IL5RA: variants seen among roughly 807,000 people sequenced by gnomAD.
The protein encoded by IL5RA is interleukin-5 receptor subunit alpha.
IL5RA carries 49 observed loss-of-function variants against 50.0 expected under a neutral mutation model. The observed-to-expected ratio is 0.98, with a 90% CI of 0.78 to 1.24. The LOEUF (loss-of-function observed/expected upper bound fraction) is 1.24. IL5RA is among the 50% of genes most tolerant of loss of function. The pLI, the probability that IL5RA is intolerant of heterozygous loss-of-function variation, is 0.00. For synonymous variants in IL5RA, 202 were observed against 174.0 expected (o/e 1.16, Z -1.26); for missense variants, 600 against 500.4 (o/e 1.20, Z -1.90).
chr3:3,070,103 TC>T lies in IL5RA; in HGVS notation c.*121del, dbSNP rs1349678325. The T allele has an allele frequency of 1.6e-5, 11 of 685,278 alleles. No individual in the cohort carries two copies. The highest frequency in any genetic ancestry group is 2.9e-5 in the Non-Finnish European group (11 of 382,340). The allele number at this position is 685,278 out of a possible 1,614,324, so 42.4% of individuals were successfully genotyped here. A position where few individuals can be genotyped will look rare whatever the true frequency, so the allele number is the denominator to read the frequency against. The stretch of plus-strand genomic sequence containing the variant: ...GACTGGTGTGTCTGGGTGTATTGCT[TC>T]GCAGGTAAATTGAGTGTTGCCTAAA... On this transcript the variant is annotated 3_prime_UTR_variant, in exon 12 of 12. Transcript: ENST00000446632.
chr3:3,092,244 C>T lies in IL5RA; in HGVS notation c.974G>A (p.Trp325Ter). The T allele has an allele frequency of 1.9e-6, 3 of 1,613,928 alleles. No homozygotes were observed. Among genetic ancestry groups the T allele is most frequent in the Non-Finnish European group, 2.5e-6 (3 of 1,179,960 alleles). The change falls in exon 9 of 12, where the codon TGG becomes TAG. Residue 325 changes from tryptophan to a stop codon, truncating the protein, a stop_gained. Transcript: ENST00000446632. LOFTEE classifies it high-confidence loss of function. The surrounding 1 kb of genome is among the most constrained non-coding windows in gnomAD (Gnocchi z 4.2). ...CTTACCCACATAAATAGGTTGGCTC[C>T]ACTCACTCCAGAGCCCTGCCTCTCT... ...MCREAGLWSE[W>*]SQPIYVGNDE...
At chr3:3,090,214 T>C (rs1703028769) in intron 9 of IL5RA, 1 of 1,610,828 alleles carries the variant, frequency 6.2e-7, no homozygotes, top group Non-Finnish European at 8.5e-7. Context: ...AGATACGGTG[T>C]GGGGCAGGAA....
chr3:3,081,021 GT>G (rs143143883), intron 9 of IL5RA, among the ~76,000 whole-genome samples: 3 of 151,534 alleles, frequency 2.0e-5, no homozygotes, highest in East Asian at 1.9e-4. Flanking sequence ...TTTTTTTCAA[GT>G]TTTTTTTTGA....
At chr3:3,082,872 G>C (rs1263337816) in intron 9 of IL5RA, among the ~76,000 whole-genome samples, 1 of 152,200 alleles carries the variant, frequency 6.6e-6, no homozygotes, top group Non-Finnish European at 1.5e-5. Context: ...AATTCTGCAT[G>C]TAAGTATGAA....
intron 7 of IL5RA, among the ~76,000 whole-genome samples, chr3:3,096,616 G>C (rs999967858): frequency 2.0e-5 from 3 of 152,036 alleles, no homozygotes; most frequent in African/African-American, 7.3e-5. Context: ...AATTCCTGTG[G>C]TCTGTACTAG....
intron 9 of IL5RA, among the ~76,000 whole-genome samples, chr3:3,077,253 T>C (rs1388492633): frequency 1.3e-5 from 2 of 152,256 alleles, no homozygotes; most frequent in Non-Finnish European, 2.9e-5. Context: ...TATTCTCTGT[T>C]TAAATTTGCT....
At chr3:3,089,232 G>T (rs1702992529) in intron 9 of IL5RA, among the ~76,000 whole-genome samples, 1 of 152,190 alleles carries the variant, frequency 6.6e-6, no homozygotes, top group African/African-American at 2.4e-5. Flanking sequence ...TGAGTGATGT[G>T]AGGGCTACCC....
In IL5RA at chr3:3,097,998, A is replaced by G. The variant is rs747064575; in HGVS notation, c.581T>C (p.Ile194Thr). ...AAAAGTCCTGGGAAACCAGCATGCG[A>G]TATTTCTCCCCAGTGTGTCTTTGCT... ...EYSKDTLGRN[I>T]ACWFPRTFIL... is the part of the protein sequence containing the mutation. The change falls in exon 7 of 12, where the codon ATC becomes ACC. Residue 194 changes from isoleucine (I) to threonine (T), a missense_variant. Ile to Thr is a moderately conservative substitution (Grantham distance 89). Coordinates refer to ENST00000446632, the MANE Select transcript of IL5RA (RefSeq NM_175726.4). The G allele has an allele frequency of 9.3e-6, 15 of 1,614,052 alleles. No individual in the cohort carries two copies. The highest frequency in any genetic ancestry group is 8.5e-7 in the Non-Finnish European group (1 of 1,180,048).
chr3:3,095,525 C>T, intron 7 of IL5RA, 81 bp from the exon 8 acceptor site: 1 of 1,124,928 alleles, frequency 8.9e-7, no homozygotes, highest in Non-Finnish European at 1.3e-6. Flanking sequence ...ACCCACACTT[C>T]TCAAGGCATT....
At chr3:3,082,684 G>A (rs1365438425) in intron 9 of IL5RA, among the ~76,000 whole-genome samples, 1 of 152,196 alleles carries the variant, frequency 6.6e-6, no homozygotes, top group Non-Finnish European at 1.5e-5. Context: ...GCAACACAGA[G>A]GGCAGAAGGA....
intron 9 of IL5RA, among the ~76,000 whole-genome samples, chr3:3,078,731 G>C (rs1457923501): frequency 6.6e-6 from 1 of 152,058 alleles, no homozygotes; most frequent in Non-Finnish European, 1.5e-5. Flanking sequence ...CTACTCAGGA[G>C]GCTGAGGCAG....
At position 3,101,764 on chromosome 3, in the gene IL5RA, G is replaced by A. The variant is rs1195236737; in HGVS notation, c.295C>T (p.Arg99Trp). The A allele has an allele frequency of 3.1e-6, 5 of 1,613,880 alleles. No individual in the cohort carries two copies. Among genetic ancestry groups the A allele is most frequent in the South Asian group, 2.2e-5 (2 of 91,078 alleles). ...GAGTGGTCGTTCTGCAGGATGGTCC[G>A]CACACTTGCTGAAAAGCCTTTGTGG... Reference protein sequence around the residue: ...ILHKGFSASVRTILQNDHSLL... With the variant: ...ILHKGFSASVWTILQNDHSLL... The change falls in exon 5 of 12, where the codon CGG (arginine) becomes TGG (tryptophan). Residue 99 changes from arginine to tryptophan, a missense_variant. Physicochemically the swap from Arg to Trp is moderately radical, Grantham distance 101 (BLOSUM62 -3). Coordinates refer to ENST00000446632, the MANE Select transcript of IL5RA (RefSeq NM_175726.4).
At chr3:3,090,841 G>A (rs778943900) in intron 9 of IL5RA, among the ~76,000 whole-genome samples, 2 of 152,004 alleles carry the variant, frequency 1.3e-5, no homozygotes, top group African/African-American at 4.8e-5. Flanking sequence ...CCAAAGTGCT[G>A]GGATTACAGG....
intron 10 of IL5RA, among the ~76,000 whole-genome samples, chr3:3,075,224 T>G (rs867148800): frequency 2.6e-4 from 38 of 148,516 alleles, no homozygotes; most frequent in South Asian, 4.3e-4. Context: ...TTTTTTTTTT[T>G]TTTGGTCTTG....
intron 9 of IL5RA, among the ~76,000 whole-genome samples, chr3:3,084,052 A>AT (rs1214276115): frequency 4.2e-5 from 5 of 119,626 alleles, no homozygotes; most frequent in South Asian, 2.9e-4. Context: ...ACTCCATCTC[A>AT]TAAAAAAAAA....
At position 3,078,956 on chromosome 3, in the gene IL5RA, T is replaced by C. The variant is rs116264026; in HGVS notation, c.995-2329A>G. ...AATTCAAAAGACGCTTGGTTTCTTT[T>C]TCCAGCTTTATTTTTACTGACCTCC... is the stretch of plus-strand genomic sequence containing the variant. On this transcript the variant is annotated intron_variant, in intron 9 of 11. Transcript: ENST00000446632. Among the ~76,000 whole-genome samples, 456 of 152,324 alleles carry C rather than the reference T, an allele frequency of 3.0e-3. 6 individuals are homozygous for C. Among genetic ancestry groups the C allele is most frequent in the African/African-American group, 0.01 (422 of 41,576 alleles).
intron 3 of IL5RA, among the ~76,000 whole-genome samples, chr3:3,103,825 AT>A (rs71058674): frequency 6.6e-6 from 1 of 151,978 alleles, no homozygotes; most frequent in African/African-American, 2.4e-5. Flanking sequence ...GCAATTTTTA[AT>A]TTTTTTTACC....
At chr3:3,088,996 C>T (rs187871592) in intron 9 of IL5RA, among the ~76,000 whole-genome samples, 10 of 152,158 alleles carry the variant, frequency 6.6e-5, no homozygotes, top group Admixed American at 6.5e-4. Flanking sequence ...TCCTGGGGAA[C>T]AGAGTGAATT....
intron 9 of IL5RA, among the ~76,000 whole-genome samples, chr3:3,086,402 A>G (rs940977927): frequency 3.3e-5 from 5 of 152,246 alleles, no homozygotes; most frequent in African/African-American, 1.2e-4. Context: ...AAGATAACAA[A>G]GGAACAGAAG....
Sources: gnomAD v4.1 joint callset for allele counts (sites outside exome capture counted in the v4.1 genomes callset) on GRCh38, gnomAD v4.1.1 for gene constraint, Gnocchi (gnomAD v3.1) non-coding constraint, MANE v1.5 for transcripts, NCBI Gene and HGNC (gene_info 2026-07-23, HGNC 2026-07-21) for gene names.